CSTL1: variants seen among roughly 807,000 people sequenced by gnomAD.
CSTL1 encodes the protein cystatin-like 1.
Under a neutral mutation model 14.4 loss-of-function variants are expected in CSTL1, and 14 were observed. The ratio of observed to expected loss-of-function variants is 0.97; its 90% CI spans 0.64 to 1.52. The LOEUF (loss-of-function observed/expected upper bound fraction) is 1.52, where lower values mean the gene tolerates loss of function less well. CSTL1 is among the 40% of genes most tolerant of loss of function. The pLI is 0.00. For synonymous variants in CSTL1, 72 were observed against 67.5 expected (o/e 1.07, Z -0.33); for missense variants, 170 against 168.7 (o/e 1.01, Z -0.04).
chr20:23,452,916 G>A, the CSTL1 span: 1 of 820,058 alleles, frequency 1.2e-6, no homozygotes, highest in Non-Finnish European at 1.9e-6. Context: ...GCAGCTGGTG[G>A]TGGACACCCA....
At chr20:23,446,101 G>T (rs1431932892), downstream of CSTL1, among the ~76,000 whole-genome samples, 2 of 152,142 alleles carry the variant, frequency 1.3e-5, no homozygotes, top group East Asian at 3.9e-4. Flanking sequence ...GGATAGCAGG[G>T]GTTCAATGTC....
At chr20:23,440,926 T>G (rs1315151703) in intron 2 of CSTL1, 2 of 253,990 alleles carry the variant, frequency 7.9e-6, no homozygotes, top group African/African-American at 4.6e-5. Context: ...CTGGCTAAAT[T>G]TTTTGTATTT....
At chr20:23,448,808 T>A (rs1054761841), downstream of CSTL1, among the ~76,000 whole-genome samples, 1 of 152,242 alleles carries the variant, frequency 6.6e-6, no homozygotes, top group Non-Finnish European at 1.5e-5. Flanking sequence ...GCCAGCATTC[T>A]TCCTAATGGT....
chr20:23,445,983 T>C (rs1219912499), downstream of CSTL1, among the ~76,000 whole-genome samples: 1 of 152,116 alleles, frequency 6.6e-6, no homozygotes, highest in African/African-American at 2.4e-5. Context: ...GCTGTGGCAG[T>C]ATGTGTCACA....
downstream of CSTL1, among the ~76,000 whole-genome samples, chr20:23,447,144 C>A (rs1986984630): frequency 6.6e-6 from 1 of 152,190 alleles, no homozygotes; most frequent in African/African-American, 2.4e-5. Flanking sequence ...AGATGAAGAG[C>A]CTCCAAAGGC....
chr20:23,452,348 A>G, the CSTL1 span, among the ~76,000 whole-genome samples: 673 of 152,346 alleles, frequency 4.4e-3, 7 homozygotes, highest in African/African-American at 0.014. Context: ...CACGACTTAC[A>G]AAAGTGGGCG....
At chr20:23,452,587 C>A in the CSTL1 span, 2 of 1,606,430 alleles carry the variant, frequency 1.2e-6, no homozygotes, top group East Asian at 4.5e-5. Context: ...CACTCACCTG[C>A]CTCTGGACTT....
chr20:23,451,896 G>A, the CSTL1 span: 2 of 1,613,850 alleles, frequency 1.2e-6, no homozygotes, highest in Admixed American at 1.7e-5. Flanking sequence ...TCCACATTCA[G>A]GTGATACTCC....
chr20:23,444,958 C>A, downstream of CSTL1: 2 of 894,242 alleles, frequency 2.2e-6, no homozygotes, highest in Non-Finnish European at 3.7e-6. Flanking sequence ...TCTTATTACA[C>A]ATGCACACAC....
intron 2 of CSTL1, among the ~76,000 whole-genome samples, chr20:23,441,533 A>G (rs1986831693): frequency 6.6e-6 from 1 of 152,208 alleles, no homozygotes; most frequent in African/African-American, 2.4e-5. Context: ...TCTTTTATGT[A>G]AAATGGAATA....
chr20:23,447,467 CTTT>C (rs34114094), downstream of CSTL1, among the ~76,000 whole-genome samples: 8 of 136,770 alleles, frequency 5.8e-5, no homozygotes, highest in Non-Finnish European at 9.5e-5. Context: ...TTTTCTTTTT[CTTT>C]TTTTTTTTTT....
intron 2 of CSTL1, among the ~76,000 whole-genome samples, chr20:23,441,563 G>A (rs926851083): frequency 2.0e-5 from 3 of 152,134 alleles, no homozygotes; most frequent in Non-Finnish European, 4.4e-5. Flanking sequence ...CATAACCTAT[G>A]CACATCTTCC....
chr20:23,454,540 G>A, the CSTL1 span, among the ~76,000 whole-genome samples: 9 of 152,208 alleles, frequency 5.9e-5, no homozygotes, highest in South Asian at 4.1e-4. Flanking sequence ...ACAGTGGAGC[G>A]CACATCCTCC....
chr20:23,440,557 G>C, intron 2 of CSTL1, 71 bp downstream of exon 2: 1 of 1,201,956 alleles, frequency 8.3e-7, no homozygotes, highest in South Asian at 1.2e-5. Context: ...AGGATTCTGG[G>C]GTAGCTCCCA....
chr20:23,455,071 A>G, the CSTL1 span, among the ~76,000 whole-genome samples: 5 of 152,174 alleles, frequency 3.3e-5, no homozygotes, highest in East Asian at 1.9e-4. Context: ...CAGCAGCTCT[A>G]TTGGAACATG....
chr20:23,450,768 G>A, the CSTL1 span, among the ~76,000 whole-genome samples: 3 of 152,306 alleles, frequency 2.0e-5, no homozygotes, highest in Middle Eastern at 0.01. Flanking sequence ...TTACTATCAA[G>A]CGGCTGAAAT....
the CSTL1 span, chr20:23,452,523 C>T: frequency 9.4e-7 from 1 of 1,062,260 alleles, no homozygotes; most frequent in South Asian, 1.3e-5. Context: ...ATTCCTGACA[C>T]CAGTGGCCAC....
At chr20:23,458,852 T>C in the CSTL1 span, among the ~76,000 whole-genome samples, 2 of 152,210 alleles carry the variant, frequency 1.3e-5, no homozygotes, top group East Asian at 3.9e-4. Context: ...AGAGACTCCT[T>C]TTCCTCACCT....
At chr20:23,444,308 T>C (rs1986916304) in intron 3 of CSTL1, among the ~76,000 whole-genome samples, 1 of 152,228 alleles carries the variant, frequency 6.6e-6, no homozygotes, top group African/African-American at 2.4e-5. Context: ...AAGCAGTGGT[T>C]CCCTTTCCTT....
Sources: allele counts gnomAD v4.1 joint callset (sites outside exome capture counted in the v4.1 genomes callset), GRCh38; gene constraint gnomAD v4.1.1; transcripts MANE v1.5; gene names NCBI Gene and HGNC (gene_info 2026-07-23, HGNC 2026-07-21).